The following ZNF804B variants were observed in gnomAD, a reference collection of about 807,000 sequenced individuals.
ZNF804B encodes the protein zinc finger protein 804B, also known as zinc finger 804B.
A neutral mutation model predicts 101.4 loss-of-function variants in ZNF804B; 80 were observed. The observed-to-expected ratio is 0.79, with a 90% CI of 0.66 to 0.95. The LOEUF is 0.95. ZNF804B is among the 40% of genes least tolerant of loss of function. The pLI, the probability that ZNF804B is intolerant of heterozygous loss-of-function variation, is 0.00. For synonymous variants in ZNF804B, 622 were observed against 558.8 expected (o/e 1.11, Z -1.59); for missense variants, 1,673 against 1,561.9 (o/e 1.07, Z -1.20).
chr7:89,021,933 G>C (rs1788674383), intron 1 of ZNF804B, among the ~76,000 whole-genome samples: 1 of 152,200 alleles, frequency 6.6e-6, no homozygotes, highest in South Asian at 2.1e-4. Context: ...TAATGCTGCT[G>C]TGTGAATTCC....
At chr7:88,874,045 G>A (rs1227006756) in intron 1 of ZNF804B, among the ~76,000 whole-genome samples, 2 of 152,114 alleles carry the variant, frequency 1.3e-5, no homozygotes, top group African/African-American at 2.4e-5. Context: ...CATTGAATCT[G>A]TAAATTACCT....
At chr7:89,092,831 A>G (rs554473321) in intron 1 of ZNF804B, among the ~76,000 whole-genome samples, 1 of 152,282 alleles carries the variant, frequency 6.6e-6, no homozygotes, top group Non-Finnish European at 1.5e-5. Flanking sequence ...GGTACAGTTC[A>G]TCTTATACAT....
chr7:89,051,206 A>G (rs987761759), intron 1 of ZNF804B, among the ~76,000 whole-genome samples: 1 of 152,050 alleles, frequency 6.6e-6, no homozygotes, highest in South Asian at 2.1e-4. Context: ...GCATGTATAC[A>G]GTTATTTCAG....
At chr7:89,119,960 A>G (rs1790374592) in intron 1 of ZNF804B, among the ~76,000 whole-genome samples, 1 of 119,482 alleles carries the variant, frequency 8.4e-6, no homozygotes, top group Non-Finnish European at 1.7e-5. Context: ...ACCTTTTTTT[A>G]TCTAAATATT....
At chr7:88,889,276 A>G (rs901180761) in intron 1 of ZNF804B, among the ~76,000 whole-genome samples, 2 of 152,200 alleles carry the variant, frequency 1.3e-5, no homozygotes, top group Non-Finnish European at 2.9e-5. Context: ...TCTTTCTGGT[A>G]GAATGGCTTA....
intron 1 of ZNF804B, among the ~76,000 whole-genome samples, chr7:88,790,353 T>G (rs1393387720): frequency 6.6e-6 from 1 of 152,228 alleles, no homozygotes; most frequent in East Asian, 1.9e-4. Context: ...GGTGGTTTGC[T>G]GCACCTGTCT....
chr7:89,007,376 T>C (rs1342373977), intron 1 of ZNF804B, among the ~76,000 whole-genome samples: 1 of 145,642 alleles, frequency 6.9e-6, no homozygotes, highest in African/African-American at 2.5e-5. Context: ...TAGGATTGGG[T>C]TTTCCGGGTT....
chr7:89,303,737 G>A (rs954417448), intron 2 of ZNF804B, among the ~76,000 whole-genome samples: 11 of 151,820 alleles, frequency 7.2e-5, no homozygotes, highest in African/African-American at 2.4e-4. Flanking sequence ...AATCATTATG[G>A]ACAGATTTTC....
intron 2 of ZNF804B, among the ~76,000 whole-genome samples, chr7:89,311,094 C>G (rs1464631499): frequency 1.3e-5 from 2 of 152,034 alleles, no homozygotes; most frequent in Non-Finnish European, 2.9e-5. Flanking sequence ...TGGTCTTGTC[C>G]ACACGTGACT....
intron 1 of ZNF804B, chr7:88,794,060 A>T: frequency 1.4e-6 from 1 of 694,946 alleles, no homozygotes; most frequent in Non-Finnish European, 2.3e-6. Flanking sequence ...TTAATATATT[A>T]CCTCTGTGTA....
intron 1 of ZNF804B, among the ~76,000 whole-genome samples, chr7:88,896,826 G>A (rs1792291750): frequency 6.6e-6 from 1 of 152,196 alleles, no homozygotes; most frequent in Admixed American, 6.5e-5. Context: ...TTGTCTTTCA[G>A]AAGTGAGAAA....
intron 2 of ZNF804B, among the ~76,000 whole-genome samples, chr7:89,285,522 CAAAA>C (rs778078214): frequency 2.2e-4 from 5 of 22,392 alleles, no homozygotes; most frequent in Non-Finnish European, 4.1e-4. Context: ...GACTCTGTCT[CAAAA>C]AAAAAAAAAA....
At chr7:89,313,842 C>T (rs1562943554) in intron 2 of ZNF804B, among the ~76,000 whole-genome samples, 1 of 152,066 alleles carries the variant, frequency 6.6e-6, no homozygotes, top group Non-Finnish European at 1.5e-5. Context: ...TGCAACTGTC[C>T]TTTATTGCAT....
chr7:89,215,100 A>G (rs1161576071), intron 1 of ZNF804B, among the ~76,000 whole-genome samples: 1 of 152,194 alleles, frequency 6.6e-6, no homozygotes, highest in Non-Finnish European at 1.5e-5. Flanking sequence ...CTCTTAATAA[A>G]GAGGCCAGAA....
chr7:89,248,881 T>C (rs1051511960), intron 2 of ZNF804B, among the ~76,000 whole-genome samples: 1 of 151,970 alleles, frequency 6.6e-6, no homozygotes, highest in Non-Finnish European at 1.5e-5. Context: ...ATGTATCTGC[T>C]CTCTTCAAGA....
chr7:88,850,320 C>A (rs770884061), intron 1 of ZNF804B, among the ~76,000 whole-genome samples: 1 of 151,938 alleles, frequency 6.6e-6, no homozygotes, highest in Non-Finnish European at 1.5e-5. Context: ...AACTGGTCAT[C>A]CAGGGAATAC....
intron 1 of ZNF804B, among the ~76,000 whole-genome samples, chr7:89,010,295 C>T (rs966898811): frequency 1.3e-5 from 2 of 152,008 alleles, no homozygotes; most frequent in Non-Finnish European, 2.9e-5. Context: ...GGGACAGAAA[C>T]GGAACCAGGA....
intron 1 of ZNF804B, among the ~76,000 whole-genome samples, chr7:88,847,497 T>G (rs1380881770): frequency 6.6e-6 from 1 of 152,070 alleles, no homozygotes; most frequent in African/African-American, 2.4e-5. Context: ...AAAAGGAAAT[T>G]TTTAATAAAC....
intron 2 of ZNF804B, among the ~76,000 whole-genome samples, chr7:89,226,398 A>G (rs1176624353): frequency 6.6e-6 from 1 of 152,148 alleles, no homozygotes; most frequent in Non-Finnish European, 1.5e-5. Flanking sequence ...AACTGGAATA[A>G]TATGCTAGAA....
Sources: allele counts gnomAD v4.1 joint callset (sites outside exome capture counted in the v4.1 genomes callset), GRCh38; gene constraint gnomAD v4.1.1; transcripts MANE v1.5; gene names NCBI Gene and HGNC (gene_info 2026-07-23, HGNC 2026-07-21).